The following FLT3LG variants were observed in gnomAD, a reference collection of about 807,000 sequenced individuals.
The protein encoded by FLT3LG is fms related receptor tyrosine kinase 3 ligand, also known as fms-related tyrosine kinase 3 ligand.
Under a neutral mutation model 30.9 loss-of-function variants are expected in FLT3LG, and 8 were observed. The ratio of observed to expected loss-of-function variants is 0.26; its 90% CI spans 0.15 to 0.47. FLT3LG has a LOEUF of 0.47. Ranked by LOEUF, FLT3LG falls within the 20% of genes least tolerant of loss-of-function variation. The probability of loss-of-function intolerance (pLI) is 0.99; values close to 1 mark genes in which losing one functional copy is unlikely to be tolerated. For synonymous variants in FLT3LG, 123 were observed against 135.9 expected, an observed-to-expected ratio of 0.91 and a Z score of 0.66; for missense variants, 278 against 306.2, an observed-to-expected ratio of 0.91 and a Z score of 0.69.
chr19:49,474,544 C>A (rs932220758), intron 1 of FLT3LG, 59 bp from the exon 2 acceptor site: 6 of 900,288 alleles, frequency 6.7e-6, no homozygotes, highest in Admixed American at 7.7e-5. Flanking sequence ...GGCAAAGGGG[C>A]GGGCAGGGCA....
intron 6 of FLT3LG, among the ~76,000 whole-genome samples, 188 bp from the exon 7 acceptor site, chr19:49,480,110 C>T (rs2079550602): frequency 6.6e-6 from 1 of 152,160 alleles, no homozygotes; most frequent in Non-Finnish European, 1.5e-5. Context: ...AGCCTATTCA[C>T]TCATTTAATT....
chr19:49,474,632 C>A lies in FLT3LG; in HGVS notation c.-8C>A. The A allele has an allele frequency of 6.2e-7, 1 of 1,612,468 alleles. No individual in the cohort carries two copies. The highest frequency in any genetic ancestry group is 8.5e-7 in the Non-Finnish European group (1 of 1,179,626). ...GGCGACAGGAGGCATGAGGGGCCCCCGGCCGAAATGACAGTGCTGGCGCCA... is the reference window on the plus strand; with the variant it reads ...GGCGACAGGAGGCATGAGGGGCCCCAGGCCGAAATGACAGTGCTGGCGCCA... On this transcript the variant is annotated 5_prime_UTR_variant, in exon 2 of 9. Coordinates refer to ENST00000597551, the MANE Select transcript of FLT3LG (RefSeq NM_001459.4).
chr19:49,485,012 G>C (rs1232739224), intron 8 of FLT3LG, among the ~76,000 whole-genome samples: 1 of 151,540 alleles, frequency 6.6e-6, no homozygotes, highest in Non-Finnish European at 1.5e-5. Flanking sequence ...GCTTGAACCC[G>C]GGAGGCAGAG....
intron 5 of FLT3LG, among the ~76,000 whole-genome samples, chr19:49,478,500 C>T (rs866187190): frequency 6.6e-6 from 1 of 150,464 alleles, no homozygotes; most frequent in Non-Finnish European, 1.5e-5. Context: ...TGGCCAAGCA[C>T]GGTGGCTCAT....
intron 6 of FLT3LG, among the ~76,000 whole-genome samples, chr19:49,479,970 G>T (rs1289103973): frequency 6.6e-6 from 1 of 151,618 alleles, no homozygotes; most frequent in Non-Finnish European, 1.5e-5. Context: ...TGCCTGGCTA[G>T]TTTTTGTGTT....
intron 1 of FLT3LG, 117 bp from the exon 2 acceptor site, chr19:49,474,486 A>C (rs922003721): frequency 3.0e-6 from 2 of 671,886 alleles, no homozygotes; most frequent in African/African-American, 4.1e-5. Flanking sequence ...CTGGGGGAGG[A>C]AGGGGCGGAA....
intron 6 of FLT3LG, among the ~76,000 whole-genome samples, chr19:49,480,032 G>A (rs2079547666): frequency 6.7e-6 from 1 of 149,732 alleles, no homozygotes; most frequent in Non-Finnish European, 1.5e-5. Context: ...TTGAACTCCT[G>A]ACCTCAAGTG....
rs752351114 is a variant in FLT3LG at position 49,478,910 on chromosome 19, C to A, written c.344C>A (p.Pro115His). The change falls in exon 6 of 9, where the codon CCC (proline) becomes CAC (histidine). Residue 115 changes from proline to histidine, a missense_variant and splice_region_variant. Around this residue, in one of 3 missense-constraint regions of FLT3LG, gnomAD observed 170 missense variants for 162.0 expected, o/e 1.05. Coordinates refer to ENST00000597551, the MANE Select transcript of FLT3LG (RefSeq NM_001459.4). ...IHFVTKCAFQ[P>H]PPSCLRFVQT... ...GACGTCTCCCTCCCCTGCTCCCAGC[C>A]CCCCCCCAGCTGTCTTCGCTTCGTC... 3.9e-5 allele frequency: 60 copies of A among 1,528,456 alleles called. No individual in the cohort carries two copies. Among genetic ancestry groups the A allele is most frequent in the Middle Eastern group, 1.9e-4 (1 of 5,370 alleles). The allele number at this position is 1,528,456 out of a possible 1,614,324, so 94.7% of individuals were successfully genotyped here. A position where few individuals can be genotyped will look rare whatever the true frequency, so the allele number is the denominator to read the frequency against.
intron 8 of FLT3LG, chr19:49,482,233 C>T (rs550068575): frequency 4.6e-5 from 7 of 151,804 alleles, no homozygotes; most frequent in Admixed American, 2.0e-4. Flanking sequence ...TCAAGTGATT[C>T]TCCTGCCTCA....
chr19:49,480,756 G>A (rs764591797), intron 8 of FLT3LG, 136 bp downstream of exon 8: 7 of 902,146 alleles, frequency 7.8e-6, no homozygotes, highest in South Asian at 1.7e-5. Context: ...CTGGGGCCAG[G>A]CGCGGTGGCT....
Position 49,484,712 on chromosome 19 carries a change from A to G in FLT3LG, c.*22-1303A>G, listed in dbSNP as rs373360259. On this transcript the variant is annotated intron_variant, in intron 8 of 8. Transcript: ENST00000597551. ...GGGTTTCACCATATTGGCCAGGCTGATCTCGAACTCCTGACCTCGTGATCT... is the reference window on the plus strand; with the variant it reads ...GGGTTTCACCATATTGGCCAGGCTGGTCTCGAACTCCTGACCTCGTGATCT... Among the ~76,000 whole-genome samples, 75 of 151,194 alleles carry G rather than the reference A, an allele frequency of 5.0e-4. No individual in the cohort carries two copies. The East Asian group carries it at 8.1e-3, about 16-fold the overall frequency.
At chr19:49,474,444 T>G in intron 1 of FLT3LG, 159 bp from the exon 2 acceptor site, 1 of 616,902 alleles carries the variant, frequency 1.6e-6, no homozygotes, top group East Asian at 2.8e-5. Flanking sequence ...AGATGAAGAG[T>G]TTTCACCGTA....
At chr19:49,478,018 G>A (rs2079453440) in intron 5 of FLT3LG, among the ~76,000 whole-genome samples, 1 of 150,684 alleles carries the variant, frequency 6.6e-6, no homozygotes, top group Non-Finnish European at 1.5e-5. Flanking sequence ...ACTCCAGCCA[G>A]GGTGACAGAG....
At chr19:49,482,166 C>T (rs996403649) in intron 8 of FLT3LG, 4 of 151,356 alleles carry the variant, frequency 2.6e-5, no homozygotes, top group African/African-American at 7.3e-5. Context: ...TGCTCTGTCG[C>T]CCAGGCTGTA....
chr19:49,474,544 C>CG, intron 1 of FLT3LG, 59 bp from the exon 2 acceptor site: 6 of 900,292 alleles, frequency 6.7e-6, no homozygotes, highest in Non-Finnish European at 4.4e-6. Context: ...GGCAAAGGGG[C>CG]GGGCAGGGCA....
rs2079561454 is a variant in FLT3LG at position 49,480,399 on chromosome 19, G to A, written c.583G>A (p.Gly195Ser). The A allele has an allele frequency of 8.1e-6, 13 of 1,609,406 alleles. No individual in the cohort carries two copies. Among genetic ancestry groups the A allele is most frequent in the Non-Finnish European group, 1.1e-5 (13 of 1,178,330 alleles). Residue 195 changes from glycine (G) to serine (S), a missense_variant, in exon 7 of 9, where the codon GGC (glycine) becomes AGC (serine). Gly to Ser is a moderately conservative substitution (Grantham distance 56, BLOSUM62 0). This residue lies in a region of FLT3LG where 170 missense variants were observed against 162.0 expected (regional missense o/e 1.05). Transcript: ENST00000597551. Reference sequence around the variant, plus strand: ...GCTCCTCCTACTGCTGCTGCCCGTGGGCCTCCTGCTGCTGGCCGCTGCCTG... The same window carrying A: ...GCTCCTCCTACTGCTGCTGCCCGTGAGCCTCCTGCTGCTGGCCGCTGCCTG... Reference protein sequence around the residue: ...PLLLLLLLPVGLLLLAAAWCL... With the variant: ...PLLLLLLLPVSLLLLAAAWCL...
At chr19:49,481,997 C>T (rs1440825673) in intron 8 of FLT3LG, 1 of 151,698 alleles carries the variant, frequency 6.6e-6, no homozygotes, top group Admixed American at 6.6e-5. Flanking sequence ...CTGGCCCATG[C>T]TGGGCTTTCC....
chr19:49,478,831 A>G, intron 5 of FLT3LG, 78 bp from the exon 6 acceptor site: 3 of 1,332,948 alleles, frequency 2.3e-6, no homozygotes, highest in Non-Finnish European at 2.9e-6. Context: ...GGGCATCGCC[A>G]GCAGGGAAGG....
intron 5 of FLT3LG, among the ~76,000 whole-genome samples, chr19:49,478,201 G>A (rs111705732): frequency 0.03 from 4,461 of 150,576 alleles, 115 homozygotes; most frequent in Non-Finnish European, 0.044. Context: ...GGGCACGGTG[G>A]CTCACGCCTG....
Sources: gnomAD v4.1 joint callset for allele counts (sites outside exome capture counted in the v4.1 genomes callset) on GRCh38, gnomAD v4.1.1 for gene constraint, gnomAD v4.1.1 regional missense constraint, MANE v1.5 for transcripts, NCBI Gene and HGNC (gene_info 2026-07-23, HGNC 2026-07-21) for gene names.